SYN3: variants seen among roughly 807,000 people sequenced by gnomAD.
SYN3 encodes the protein synapsin III.
In SYN3, 35 loss-of-function variants were observed where a neutral mutation model predicts 65.8. The observed-to-expected ratio is 0.53, with a 90% confidence interval of 0.41 to 0.70. The LOEUF is 0.70. Ranked by LOEUF, SYN3 falls within the 30% of genes least tolerant of loss-of-function variation. The pLI, the probability that SYN3 is intolerant of heterozygous loss-of-function variation, is 0.00. For synonymous variants in SYN3, 270 were observed against 292.9 expected, an observed-to-expected ratio of 0.92 and a Z score of 0.80; for missense variants, 680 against 749.0, an observed-to-expected ratio of 0.91 and a Z score of 1.08.
rs978247541 is a variant in SYN3, at chr22:32,508,852, C to T, written c.*4840G>A. Among the ~76,000 whole-genome samples, 4 of 152,166 alleles carry T rather than the reference C, an allele frequency of 2.6e-5. No homozygotes were observed. The highest frequency in any genetic ancestry group is 9.7e-5 in the African/African-American group (4 of 41,442). ...ACTCTCTTGACCCATGCACAAGATACCTGCACTAGCTTGCCAGATGAGAAC... is the reference window on the plus strand; with the variant it reads ...ACTCTCTTGACCCATGCACAAGATATCTGCACTAGCTTGCCAGATGAGAAC... On this transcript the variant is annotated 3_prime_UTR_variant, in exon 14 of 14. Transcript: ENST00000358763.
intron 6 of SYN3, among the ~76,000 whole-genome samples, chr22:32,628,757 A>G (rs2059705819): frequency 6.6e-6 from 1 of 152,142 alleles, no homozygotes. Context: ...TAAAAAAAAA[A>G]AAAACCTCAC....
rs5749461 is a variant in SYN3, at chr22:32,564,302, G to A, written c.775-22589C>T. On this transcript the variant is annotated intron_variant, in intron 7 of 13. Coordinates refer to ENST00000358763, the MANE Select transcript of SYN3 (RefSeq NM_003490.4). ...CTACAGATGAAGAGGCCCCGGGAGGGTTGAGTCACTTCTTCCAGGTCACAT... is the reference window on the plus strand; with the variant it reads ...CTACAGATGAAGAGGCCCCGGGAGGATTGAGTCACTTCTTCCAGGTCACAT... Among the ~76,000 whole-genome samples, 11 of 152,282 alleles carry A rather than the reference G, an allele frequency of 7.2e-5. No homozygotes were observed. The East Asian group carries it at 2.1e-3, about 29-fold the overall frequency.
intron 7 of SYN3, among the ~76,000 whole-genome samples, chr22:32,560,831 A>G (rs1212496708): frequency 5.3e-5 from 8 of 152,164 alleles, no homozygotes; most frequent in Non-Finnish European, 1.5e-5. Flanking sequence ...GACCTGTTGG[A>G]AGCCCACTTT....
At chr22:32,775,985 C>G (rs527964503) in intron 6 of SYN3, among the ~76,000 whole-genome samples, 1 of 152,270 alleles carries the variant, frequency 6.6e-6, no homozygotes, top group Admixed American at 6.5e-5. Context: ...AGGAGATTAT[C>G]CTAGATCACC....
rs761309649 is a variant in SYN3 at position 32,523,211 on chromosome 22, C to T, written c.1318+4707G>A. Among the ~76,000 whole-genome samples the T allele has an allele frequency of 6.7e-4, 102 of 152,158 alleles. 1 individual carries two copies. Among genetic ancestry groups the T allele is most frequent in the Non-Finnish European group, 1.1e-3 (78 of 68,028 alleles). Reference sequence around the variant, plus strand: ...TTGTTTTTGGGTGCCATGAACCACACCCATATAAGACAGTGAACTGGCCGG... The same window carrying T: ...TTGTTTTTGGGTGCCATGAACCACATCCATATAAGACAGTGAACTGGCCGG... On this transcript the variant is annotated intron_variant, in intron 12 of 13. Transcript: ENST00000358763.
intron 6 of SYN3, among the ~76,000 whole-genome samples, chr22:32,785,994 AAAG>A (rs145422279): frequency 0.45 from 65,151 of 145,024 alleles, 14,160 homozygotes; most frequent in East Asian, 0.54. Flanking sequence ...AAACCACTTC[AAAG>A]AAGAAGAAGA....
At chr22:32,762,388 C>T (rs1338005090) in intron 6 of SYN3, among the ~76,000 whole-genome samples, 3 of 152,212 alleles carry the variant, frequency 2.0e-5, no homozygotes, top group Non-Finnish European at 4.4e-5. Context: ...CCCCTAATTC[C>T]TAATGCAATG....
intron 7 of SYN3, among the ~76,000 whole-genome samples, chr22:32,556,710 G>C (rs1197832349): frequency 6.6e-6 from 1 of 150,878 alleles, no homozygotes; most frequent in Admixed American, 6.6e-5. Flanking sequence ...GTAAAACACA[G>C]GTCTGAGAAA....
At chr22:33,027,687 G>GAGAA (rs555396122) in intron 1 of SYN3, among the ~76,000 whole-genome samples, 2 of 151,750 alleles carry the variant, frequency 1.3e-5, no homozygotes, top group Non-Finnish European at 1.5e-5. Flanking sequence ...AAGAAAGAAA[G>GAGAA]AGAAAGAAAG....
At chr22:32,823,034 A>AT (rs1194971941) in intron 6 of SYN3, among the ~76,000 whole-genome samples, 1 of 152,124 alleles carries the variant, frequency 6.6e-6, no homozygotes, top group Non-Finnish European at 1.5e-5. Context: ...GCGCTGTGGG[A>AT]TTTTGGATGA....
chr22:32,544,939 TGCACCCTGATATGGGGG>T, intron 7 of SYN3, among the ~76,000 whole-genome samples: 1 of 152,350 alleles, frequency 6.6e-6, no homozygotes, highest in Non-Finnish European at 1.5e-5. Flanking sequence ...ACAGTCATGA[TGCACCCTGATATGGGGG>T]GCATGTGTCC....
At chr22:32,539,416 C>T (rs990201607) in intron 8 of SYN3, among the ~76,000 whole-genome samples, 17 of 152,066 alleles carry the variant, frequency 1.1e-4, no homozygotes, top group African/African-American at 3.4e-4. Flanking sequence ...GAAGTGGTAC[C>T]AGATGAAAGT....
intron 1 of SYN3, among the ~76,000 whole-genome samples, chr22:33,019,707 C>T (rs990338440): frequency 6.6e-5 from 10 of 152,110 alleles, no homozygotes; most frequent in Non-Finnish European, 1.5e-4. Flanking sequence ...TGCAGTGGCG[C>T]GATCTTGGCT....
chr22:32,862,126 T>C (rs1281380760), intron 6 of SYN3: 4 of 152,322 alleles, frequency 2.6e-5, no homozygotes, highest in Non-Finnish European at 5.9e-5. Context: ...TTCATGTTCT[T>C]GTTCTGTGTC....
intron 6 of SYN3, among the ~76,000 whole-genome samples, chr22:32,611,331 T>C (rs2059442752): frequency 7.0e-6 from 1 of 142,288 alleles, no homozygotes; most frequent in Non-Finnish European, 1.5e-5. Flanking sequence ...TCTCGCCCTG[T>C]TGCCCAGGCT....
chr22:32,527,460 C>T (rs551455307), intron 12 of SYN3, among the ~76,000 whole-genome samples: 7 of 151,930 alleles, frequency 4.6e-5, no homozygotes, highest in Admixed American at 1.3e-4. Context: ...ATTAGCTGGG[C>T]GTGGCGGTGT....
chr22:32,603,022 T>C (rs2059308038), intron 6 of SYN3, among the ~76,000 whole-genome samples: 1 of 151,494 alleles, frequency 6.6e-6, no homozygotes, highest in Admixed American at 6.6e-5. Context: ...TCGCCCAGGC[T>C]TCTATTTCTA....
chr22:32,791,130 A>G (rs1205570048), intron 6 of SYN3, among the ~76,000 whole-genome samples: 1 of 152,170 alleles, frequency 6.6e-6, no homozygotes, highest in Non-Finnish European at 1.5e-5. Flanking sequence ...CATGATCATA[A>G]CAGCCCCTAC....
chr22:32,778,859 A>C (rs1056687616), intron 6 of SYN3, among the ~76,000 whole-genome samples: 1 of 152,236 alleles, frequency 6.6e-6, no homozygotes, highest in Non-Finnish European at 1.5e-5. Context: ...ATAAAAACTG[A>C]TTTGTAACAC....
Sources: gnomAD v4.1 joint callset for allele counts (sites outside exome capture counted in the v4.1 genomes callset) on GRCh38, gnomAD v4.1.1 for gene constraint, MANE v1.5 for transcripts, NCBI Gene and HGNC (gene_info 2026-07-23, HGNC 2026-07-21) for gene names.